ADCY10: variants seen among roughly 807,000 people sequenced by gnomAD.
ADCY10 encodes the protein adenylate cyclase type 10.
In ADCY10, 156 loss-of-function variants were observed where a neutral mutation model predicts 183.3. The observed-to-expected ratio is 0.85, with a 90% CI of 0.75 to 0.97. ADCY10 has a LOEUF of 0.97. Ranked by LOEUF, ADCY10 falls within the 50% of genes least tolerant of loss-of-function variation. The pLI is 0.00. For synonymous variants in ADCY10, 645 were observed against 670.0 expected (o/e 0.96, Z 0.58); for missense variants, 1,745 against 1,934.3 (o/e 0.90, Z 1.84).
At chr1:167,827,810 T>G (rs902821329) in intron 26 of ADCY10, among the ~76,000 whole-genome samples, 9 of 151,550 alleles carry the variant, frequency 5.9e-5, no homozygotes, top group Non-Finnish European at 8.8e-5. Flanking sequence ...GCCTCCTGGG[T>G]TCAAGCAATT....
chr1:167,845,361 G>C, intron 21 of ADCY10: 1 of 609,828 alleles, frequency 1.6e-6, no homozygotes, highest in Non-Finnish European at 2.9e-6. Flanking sequence ...GTTATAGTGA[G>C]ATTGGTTCGC....
chr1:167,837,189 T>C, intron 22 of ADCY10, 60 bp downstream of exon 22: 2 of 1,443,966 alleles, frequency 1.4e-6, no homozygotes, highest in South Asian at 1.1e-5. Context: ...TCTAATAGTG[T>C]TCTGAATTTA....
intron 14 of ADCY10, 67 bp downstream of exon 14, chr1:167,870,190 G>A: frequency 6.4e-7 from 1 of 1,561,568 alleles, no homozygotes; most frequent in South Asian, 1.1e-5. Flanking sequence ...TTATAGGAAG[G>A]AGAGGAGCAT....
At chr1:167,816,730 T>C (rs1249100000) in intron 31 of ADCY10, among the ~76,000 whole-genome samples, 1 of 152,118 alleles carries the variant, frequency 6.6e-6, no homozygotes, top group Non-Finnish European at 1.5e-5. Context: ...TCCTTCAAAA[T>C]TGAAGACAAA....
At chr1:167,874,575 C>T (rs898150444) in intron 13 of ADCY10, among the ~76,000 whole-genome samples, 6 of 85,830 alleles carry the variant, frequency 7.0e-5, no homozygotes, top group Non-Finnish European at 1.2e-4. Flanking sequence ...TATTTGGCAC[C>T]CTTTGTCCCA....
intron 21 of ADCY10, among the ~76,000 whole-genome samples, chr1:167,843,940 T>G (rs1432573464): frequency 1.3e-5 from 2 of 152,130 alleles, no homozygotes; most frequent in Non-Finnish European, 2.9e-5. Context: ...CATTTCTATG[T>G]CTTAGGTCTG....
chr1:167,854,281 T>C, intron 18 of ADCY10, 72 bp downstream of exon 18: 1 of 1,600,242 alleles, frequency 6.2e-7, no homozygotes, highest in Non-Finnish European at 8.6e-7. Context: ...AGCTCATTTT[T>C]GCTACCTTCT....
chr1:167,849,455 C>T (rs976813526), intron 18 of ADCY10, among the ~76,000 whole-genome samples: 2 of 152,168 alleles, frequency 1.3e-5, no homozygotes, highest in Non-Finnish European at 2.9e-5. Context: ...TCCTGGAGCT[C>T]TAAGTCATGT....
At chr1:167,910,722 C>G (rs1436738725) in intron 1 of ADCY10, among the ~76,000 whole-genome samples, 1 of 152,120 alleles carries the variant, frequency 6.6e-6, no homozygotes, top group African/African-American at 2.4e-5. Flanking sequence ...GAAGTGGCTT[C>G]CACAGATGTG....
At chr1:167,887,584 T>C (rs1020320063) in intron 8 of ADCY10, among the ~76,000 whole-genome samples, 2 of 152,024 alleles carry the variant, frequency 1.3e-5, no homozygotes, top group African/African-American at 4.8e-5. Context: ...TTAGGAGATA[T>C]ACCTAATGTA....
chr1:167,881,093 C>T (rs1186421322), intron 9 of ADCY10, among the ~76,000 whole-genome samples: 1 of 152,142 alleles, frequency 6.6e-6, no homozygotes, highest in Non-Finnish European at 1.5e-5. Flanking sequence ...ATGTTTTTGG[C>T]TACTAAAAGA....
Position 167,902,054 on chromosome 1 carries a change from TC to T in ADCY10, c.254-1del. ...GATGTCTCCTCCAAAAATCAACACTTCTGAGAAAAAAAAAAAAAATTAAATC... is the reference window on the plus strand; with the variant it reads ...GATGTCTCCTCCAAAAATCAACACTTTGAGAAAAAAAAAAAAAATTAAATC... On this transcript the variant is annotated splice_acceptor_variant, in intron 3 of 32. Coordinates refer to ENST00000367851, the MANE Select transcript of ADCY10 (RefSeq NM_018417.6). LOFTEE classifies it high-confidence loss of function. The T allele has an allele frequency of 6.2e-7, 1 of 1,601,440 alleles. No homozygotes were observed. The highest frequency in any genetic ancestry group is 8.5e-7 in the Non-Finnish European group (1 of 1,177,406).
intron 19 of ADCY10, 135 bp downstream of exon 19, chr1:167,848,226 T>C: frequency 1.5e-6 from 1 of 662,378 alleles, no homozygotes; most frequent in Non-Finnish European, 2.6e-6. Flanking sequence ...TTTTTTTGTA[T>C]TTTTAGTAGA....
intron 21 of ADCY10, among the ~76,000 whole-genome samples, chr1:167,843,112 C>T (rs996984322): frequency 6.6e-6 from 1 of 152,112 alleles, no homozygotes; most frequent in East Asian, 1.9e-4. Context: ...GGAAGGGATA[C>T]CAGCAGACAT....
intron 6 of ADCY10, among the ~76,000 whole-genome samples, chr1:167,897,633 T>A (rs75066454): frequency 1 from 3,815 of 3,816 alleles, 1,907 homozygotes; most frequent in Non-Finnish European, 1. Context: ...GCAACTCTCT[T>A]GTGTCACGGT....
rs1667616051 is a variant in ADCY10 at position 167,878,263 on chromosome 1, T to C, written c.1406+183A>G. On this transcript the variant is annotated intron_variant, in intron 12 of 32. Transcript: ENST00000367851. The stretch of plus-strand genomic sequence containing the variant: ...GAGGAGAGAATGGGATTTTCCACCA[T>C]GCCATAGTGTCAGTCAGATGGAGGA... 2.0e-5 allele frequency among the ~76,000 whole-genome samples: 3 copies of C among 152,176 alleles called. No homozygotes were observed. In the South Asian group the frequency reaches 6.2e-4, roughly 32 times the overall value.
At chr1:167,853,636 C>T (rs1329592374) in intron 18 of ADCY10, among the ~76,000 whole-genome samples, 2 of 152,082 alleles carry the variant, frequency 1.3e-5, no homozygotes, top group African/African-American at 2.4e-5. Context: ...TCCAACTGGC[C>T]TCCTTCATGC....
chr1:167,829,297 A>AT lies in ADCY10; in HGVS notation c.3719dup (p.Asn1240LysfsTer14), dbSNP rs1558155803. On this transcript the variant is annotated frameshift_variant, in exon 26 of 33. Coordinates refer to ENST00000367851, the MANE Select transcript of ADCY10 (RefSeq NM_018417.6). LOFTEE classifies it high-confidence loss of function. Reference sequence around the variant, plus strand: ...AACAATTTTGAGTTTCCAGTGCAGTATTCATTTGCATCATAACTGCCAGGT... The same window carrying AT: ...AACAATTTTGAGTTTCCAGTGCAGTATTTCATTTGCATCATAACTGCCAGGT... 6.2e-7 allele frequency: 1 copy of AT among 1,614,002 alleles called. No homozygotes were observed. The highest frequency in any genetic ancestry group is 1.3e-5 in the African/African-American group (1 of 74,940).
intron 7 of ADCY10, 70 bp downstream of exon 7, chr1:167,896,525 G>A: frequency 8.1e-7 from 1 of 1,239,014 alleles, no homozygotes; most frequent in Non-Finnish European, 1.2e-6. Flanking sequence ...TAATGAAGCT[G>A]TCGGCATTGA....
Sources: allele counts gnomAD v4.1 joint callset (sites outside exome capture counted in the v4.1 genomes callset), GRCh38; gene constraint gnomAD v4.1.1; transcripts MANE v1.5; gene names NCBI Gene and HGNC (gene_info 2026-07-23, HGNC 2026-07-21).